The following ERC2 variants were observed in gnomAD, a reference collection of about 807,000 sequenced individuals.
ERC2 encodes ELKS/RAB6-interacting/CAST family member 2.
A neutral mutation model predicts 114.8 loss-of-function variants in ERC2; 42 were observed. That is an observed-to-expected ratio of 0.37 (90% confidence interval 0.29 to 0.47). The LOEUF (loss-of-function observed/expected upper bound fraction) is 0.47. Among genes scored for constraint, ERC2 ranks in the 20% least tolerant of loss-of-function variants. The pLI is 0.99. For missense variants in ERC2, 939 were observed against 1,150.7 expected, an observed-to-expected ratio of 0.82 and a Z score of 2.66; for synonymous variants, 454 against 425.5, an observed-to-expected ratio of 1.07 and a Z score of -0.82.
chr3:56,275,318 C>T (rs2053921048), intron 3 of ERC2, among the ~76,000 whole-genome samples: 1 of 152,136 alleles, frequency 6.6e-6, no homozygotes, highest in Non-Finnish European at 1.5e-5. Context: ...GAGTGTAGTA[C>T]GGCCAATGAA....
At chr3:55,905,243 G>C (rs535627756) in intron 13 of ERC2, among the ~76,000 whole-genome samples, 4 of 152,236 alleles carry the variant, frequency 2.6e-5, no homozygotes, top group Non-Finnish European at 5.9e-5. Flanking sequence ...ATCACGCCCA[G>C]CTAATTTTTG....
chr3:56,213,395 C>A (rs139478576), intron 3 of ERC2, among the ~76,000 whole-genome samples: 3 of 152,156 alleles, frequency 2.0e-5, no homozygotes, highest in East Asian at 1.9e-4. Flanking sequence ...GAGGGTCCTA[C>A]GCCCACGGAG....
chr3:56,105,695 G>A (rs983752138), intron 6 of ERC2, among the ~76,000 whole-genome samples: 2 of 152,190 alleles, frequency 1.3e-5, no homozygotes, highest in African/African-American at 4.8e-5. Flanking sequence ...GGCAGTGGGA[G>A]AAGCAGGGAG....
At chr3:55,530,064 G>A (rs1270068465) in intron 17 of ERC2, among the ~76,000 whole-genome samples, 1 of 152,198 alleles carries the variant, frequency 6.6e-6, no homozygotes, top group Admixed American at 6.5e-5. Context: ...ACTGGTAGCA[G>A]TAATATCTCA....
In ERC2 at chr3:56,296,553, A is replaced by G. The variant is rs529732589; in HGVS notation, c.658-118T>C. 24 of 1,099,044 alleles carry G rather than the reference A, an allele frequency of 2.2e-5. 1 individual carries two copies. Among genetic ancestry groups the G allele is most frequent in the Admixed American group, 5.6e-5 (2 of 35,834 alleles). 68.1% of individuals were successfully genotyped at this position (1,099,044 alleles called of 1,614,324 possible). A position where few individuals can be genotyped will look rare whatever the true frequency, so the allele number is the denominator to read the frequency against. ...ATGGAATGTTAATCATGAGGTCCGG[A>G]GGGCCAGCCATGAATTCCTCCACGG... is the stretch of plus-strand genomic sequence containing the variant. On this transcript the variant is annotated intron_variant, in intron 2 of 17. Transcript: ENST00000288221.
At chr3:55,713,330 C>G (rs1028613714) in intron 15 of ERC2, among the ~76,000 whole-genome samples, 2 of 152,050 alleles carry the variant, frequency 1.3e-5, no homozygotes, top group African/African-American at 4.8e-5. Context: ...CCTGCCTCAG[C>G]CTCCCAAGTA....
At chr3:55,908,022 G>C (rs769726973) in intron 13 of ERC2, among the ~76,000 whole-genome samples, 2 of 152,160 alleles carry the variant, frequency 1.3e-5, no homozygotes, top group Non-Finnish European at 2.9e-5. Flanking sequence ...AGGCTTCCCA[G>C]AAGTGATAGC....
intron 2 of ERC2, among the ~76,000 whole-genome samples, chr3:56,426,765 T>A (rs534471508): frequency 6.6e-6 from 1 of 152,260 alleles, no homozygotes; most frequent in South Asian, 2.1e-4. Flanking sequence ...CCTGCAGATA[T>A]GTGAGGGAGA....
intron 3 of ERC2, among the ~76,000 whole-genome samples, chr3:56,185,935 G>A: frequency 6.6e-6 from 1 of 151,880 alleles, no homozygotes; most frequent in Non-Finnish European, 1.5e-5. Context: ...ATGTGTCATT[G>A]CTGATTCTGA....
chr3:55,534,412 G>T (rs1353910025), intron 17 of ERC2, among the ~76,000 whole-genome samples: 1 of 114,094 alleles, frequency 8.8e-6, no homozygotes, highest in African/African-American at 2.9e-5. Flanking sequence ...AAAAAAAAAA[G>T]GCCAGGCTTG....
At chr3:56,096,541 A>G (rs2078075511) in intron 6 of ERC2, among the ~76,000 whole-genome samples, 1 of 152,212 alleles carries the variant, frequency 6.6e-6, no homozygotes, top group Non-Finnish European at 1.5e-5. Context: ...TAAAATTATG[A>G]CATGTATCTT....
At chr3:56,428,561 G>GAGGT in intron 2 of ERC2, among the ~76,000 whole-genome samples, 1 of 124,522 alleles carries the variant, frequency 8.0e-6, no homozygotes. Context: ...GGAAGGGAGG[G>GAGGT]AGGGAGGGAG....
chr3:55,653,982 A>T (rs1253448114), intron 17 of ERC2, among the ~76,000 whole-genome samples: 1 of 152,078 alleles, frequency 6.6e-6, no homozygotes, highest in Non-Finnish European at 1.5e-5. Context: ...CTTCCTCCTC[A>T]TTCCTGGTTA....
chr3:56,297,722 T>C (rs894434043), intron 2 of ERC2, among the ~76,000 whole-genome samples: 1 of 152,164 alleles, frequency 6.6e-6, no homozygotes, highest in African/African-American at 2.4e-5. Context: ...ACATAAGACA[T>C]AGCTCCTGCC....
intron 4 of ERC2, among the ~76,000 whole-genome samples, chr3:56,166,892 T>C (rs1232088250): frequency 1.3e-5 from 2 of 152,086 alleles, no homozygotes; most frequent in African/African-American, 4.8e-5. Context: ...ATTTATTTAA[T>C]GTTAGCTTTT....
intron 17 of ERC2, among the ~76,000 whole-genome samples, chr3:55,593,788 CTCTT>C (rs2058012803): frequency 1.3e-5 from 2 of 152,138 alleles, no homozygotes; most frequent in African/African-American, 4.8e-5. Flanking sequence ...TGGCTCCCTC[CTCTT>C]GGTCCACAAA....
chr3:56,141,921 G>T (rs2080879192), intron 5 of ERC2, among the ~76,000 whole-genome samples: 2 of 151,990 alleles, frequency 1.3e-5, no homozygotes, highest in South Asian at 2.1e-4. Flanking sequence ...GTCCTTGTCA[G>T]GTTTTAATAT....
At position 55,531,435 on chromosome 3, in the gene ERC2, C is replaced by G. The variant is rs547434863; in HGVS notation, c.*40-20159G>C. Among the ~76,000 whole-genome samples, 4 of 152,286 alleles carry G rather than the reference C, an allele frequency of 2.6e-5. No individual in the cohort carries two copies. The South Asian group carries it at 8.3e-4, about 32-fold the overall frequency. ...ATGACAAGCCACCCCTCCCTTGCCC[C>G]TGAACATTAATGTGTTTGCTCAGCC... On this transcript the variant is annotated intron_variant, in intron 17 of 17. Coordinates refer to ENST00000288221, the MANE Select transcript of ERC2 (RefSeq NM_015576.3).
chr3:55,782,767 C>A (rs1034201753), intron 14 of ERC2, among the ~76,000 whole-genome samples: 1 of 152,206 alleles, frequency 6.6e-6, no homozygotes, highest in Non-Finnish European at 1.5e-5. Context: ...CCCCTCTCCC[C>A]CACATTCAGC....
Sources: allele counts gnomAD v4.1 joint callset (sites outside exome capture counted in the v4.1 genomes callset), GRCh38; gene constraint gnomAD v4.1.1; transcripts MANE v1.5; gene names NCBI Gene and HGNC (gene_info 2026-07-23, HGNC 2026-07-21).